The following KCNAB2 variants were observed in gnomAD, a reference collection of about 807,000 sequenced individuals.
KCNAB2 encodes the protein potassium voltage-gated channel subfamily A regulatory beta subunit 2.
Under a neutral mutation model 63.6 loss-of-function variants are expected in KCNAB2, and 29 were observed. That is an observed-to-expected ratio of 0.46 (90% CI 0.34 to 0.62). KCNAB2 has a LOEUF of 0.62. Ranked by LOEUF, KCNAB2 falls within the 20% of genes least tolerant of loss-of-function variation. KCNAB2 has a pLI of 0.01. For missense variants in KCNAB2, 359 were observed against 563.9 expected (o/e 0.64, Z 3.68); for synonymous variants, 222 against 224.2 (o/e 0.99, Z 0.09).
chr1:6,036,815 G>C, intron 1 of KCNAB2, among the ~76,000 whole-genome samples: 1 of 151,552 alleles, frequency 6.6e-6, no homozygotes, highest in Non-Finnish European at 1.5e-5. Context: ...GGTGGGAAGG[G>C]AGGAGCAGCG....
At chr1:6,019,583 G>T (rs1247414724) in intron 1 of KCNAB2, among the ~76,000 whole-genome samples, 2 of 152,182 alleles carry the variant, frequency 1.3e-5, no homozygotes, top group Non-Finnish European at 2.9e-5. Context: ...CTGGAGTTGG[G>T]CACTGGAGCA....
intron 1 of KCNAB2, among the ~76,000 whole-genome samples, chr1:5,992,969 T>G (rs1419326723): frequency 6.6e-6 from 1 of 151,816 alleles, no homozygotes; most frequent in East Asian, 1.9e-4. Flanking sequence ...CCTCCTCACC[T>G]CCTTCTCCAT....
intron 2 of KCNAB2, among the ~76,000 whole-genome samples, chr1:6,065,477 G>C (rs939962745): frequency 3.3e-5 from 5 of 152,222 alleles, no homozygotes; most frequent in Admixed American, 2.6e-4. Flanking sequence ...CCCTCAGAAA[G>C]ACTCAAGAAG....
intron 1 of KCNAB2, among the ~76,000 whole-genome samples, chr1:6,037,712 C>T (rs972987420): frequency 3.9e-5 from 6 of 152,060 alleles, no homozygotes; most frequent in Admixed American, 6.6e-5. Context: ...GAGCAAAATG[C>T]GTGAGCTGCT....
chr1:6,000,054 G>T (rs749775706), intron 1 of KCNAB2, among the ~76,000 whole-genome samples: 1 of 151,770 alleles, frequency 6.6e-6, no homozygotes, highest in Non-Finnish European at 1.5e-5. Context: ...CACCTTGTCT[G>T]TGCCCCGTCC....
intron 1 of KCNAB2, among the ~76,000 whole-genome samples, chr1:6,046,749 C>T (rs1387508305): frequency 1.3e-5 from 2 of 152,202 alleles, no homozygotes; most frequent in African/African-American, 4.8e-5. Flanking sequence ...CTTCCATTTC[C>T]GCTTTGGAGA....
Position 6,091,264 on chromosome 1 carries a change from G to A in KCNAB2, c.603G>A (p.Gly201=), listed in dbSNP as rs1322132137. The change falls in exon 10 of 16, where the codon GGG becomes GGA. Residue 201 remains glycine, a splice_region_variant and synonymous_variant. Transcript: ENST00000378083. ...TTTAAATCTTTCTTCTATCACCAGG[G>A]GACCCATTTAGTTCCTCCAAGTCAA... The part of the protein sequence containing the change: ...NRPDPNTPME[G]DPFSSSKSRT... 2 of 1,532,630 alleles carry A rather than the reference G, an allele frequency of 1.3e-6. No homozygotes were observed. Among genetic ancestry groups the A allele is most frequent in the African/African-American group, 2.7e-5 (2 of 73,068 alleles). The allele number at this position is 1,532,630 out of a possible 1,614,324, so 94.9% of individuals were successfully genotyped here.
rs749919722 is a variant in KCNAB2, at chr1:6,028,801, C to G, written c.-52-11716C>G. Among the ~76,000 whole-genome samples, 3 of 152,200 alleles carry G rather than the reference C, an allele frequency of 2.0e-5. No homozygotes were observed. Among genetic ancestry groups the G allele is most frequent in the Non-Finnish European group, 4.4e-5 (3 of 68,044 alleles). ...CTGTCCCCATCGTATTAGAGTTGGC[C>G]TTTTGAAAGCTGTGAGTCCAAGTTG... is the stretch of plus-strand genomic sequence containing the variant. On this transcript the variant is annotated intron_variant, in intron 1 of 16. Coordinates refer to the KCNAB2 transcript ENST00000341524. This position sits in a 1 kb window ranked among gnomAD's most constrained non-coding sequence, Gnocchi z 4.0.
intron 1 of KCNAB2, among the ~76,000 whole-genome samples, chr1:6,012,635 G>C (rs1658250221): frequency 6.6e-6 from 1 of 150,742 alleles, no homozygotes; most frequent in South Asian, 2.1e-4. Context: ...GGGTGGAGGT[G>C]GAGATGGAGG....
intron 6 of KCNAB2, among the ~76,000 whole-genome samples, chr1:6,085,477 C>G (rs1245874806): frequency 6.6e-6 from 1 of 152,142 alleles, no homozygotes; most frequent in African/African-American, 2.4e-5. Flanking sequence ...CCTAGCCTGC[C>G]CACTCCGCCT....
chr1:6,070,690 G>A (rs1274058725), intron 2 of KCNAB2, among the ~76,000 whole-genome samples: 3 of 152,196 alleles, frequency 2.0e-5, no homozygotes, highest in Non-Finnish European at 4.4e-5. Context: ...CTATCCTCAT[G>A]GATCTTCTTC....
chr1:5,996,728 G>A (rs1390584672), intron 1 of KCNAB2, among the ~76,000 whole-genome samples: 4 of 152,228 alleles, frequency 2.6e-5, no homozygotes, highest in Admixed American at 6.5e-5. Flanking sequence ...CTTCCTGGCC[G>A]TCCGCCTTTA....
chr1:6,056,026 C>T (rs1334570074), intron 2 of KCNAB2, among the ~76,000 whole-genome samples: 5 of 151,096 alleles, frequency 3.3e-5, no homozygotes, highest in African/African-American at 4.9e-5. Context: ...TGGAGGTGGA[C>T]GGCAGCATGC....
upstream of KCNAB2, among the ~76,000 whole-genome samples, chr1:6,032,700 C>T (rs1659721558): frequency 6.6e-6 from 1 of 152,066 alleles, no homozygotes; most frequent in South Asian, 2.1e-4. Context: ...CCACCTTAAC[C>T]AAATGGCCAG....
At chr1:6,005,433 G>GGAAGC (rs1557922597) in intron 1 of KCNAB2, among the ~76,000 whole-genome samples, 1 of 118,456 alleles carries the variant, frequency 8.4e-6, no homozygotes, top group Non-Finnish European at 1.9e-5. Context: ...TGTGGGTTGT[G>GGAAGC]TGAGCTGAGC....
chr1:6,037,496 C>T (rs138249531), intron 1 of KCNAB2, among the ~76,000 whole-genome samples: 3 of 152,328 alleles, frequency 2.0e-5, no homozygotes, highest in Non-Finnish European at 2.9e-5. Context: ...TTCCTGTCCA[C>T]GTCCCTCAGC....
chr1:6,007,766 C>T (rs1419744675), intron 1 of KCNAB2: 2 of 152,340 alleles, frequency 1.3e-5, no homozygotes, highest in East Asian at 3.9e-4. Context: ...CCCTTACCCC[C>T]GAAGGAGGGG....
rs986027788 is a variant in KCNAB2, at chr1:6,078,239, G to T, written c.301-3956G>T. Among the ~76,000 whole-genome samples, 1 of 152,112 alleles carries T rather than the reference G, an allele frequency of 6.6e-6. No homozygotes were observed. Among genetic ancestry groups the T allele is most frequent in the Non-Finnish European group, 1.5e-5 (1 of 68,020 alleles). On this transcript the variant is annotated intron_variant, in intron 4 of 15. Transcript: ENST00000378083. The surrounding 1 kb of genome is among the most constrained non-coding windows in gnomAD (Gnocchi z 4.2). Reference sequence around the variant, plus strand: ...TGTCAGTCAAGTCTCCGTCTGTCTCGTCCTCATAAGGTCACCTGTGATGGC... The same window carrying T: ...TGTCAGTCAAGTCTCCGTCTGTCTCTTCCTCATAAGGTCACCTGTGATGGC...
rs144003123 is a variant in KCNAB2, at chr1:6,077,935, G to A, written c.300+4165G>A. Among the ~76,000 whole-genome samples, 1,354 of 152,344 alleles carry A rather than the reference G, an allele frequency of 8.9e-3. 8 individuals are homozygous for A. Among genetic ancestry groups the A allele is most frequent in the Middle Eastern group, 0.031 (9 of 294 alleles). The stretch of plus-strand genomic sequence containing the variant: ...TGCTGTAACAAATAGCCACCAATGC[G>A]CGGCTGAAAACAGCAGCAACGTATT... On this transcript the variant is annotated intron_variant, in intron 4 of 15. Transcript: ENST00000378083.
Sources: allele counts gnomAD v4.1 joint callset (sites outside exome capture counted in the v4.1 genomes callset), GRCh38; gene constraint gnomAD v4.1.1; non-coding constraint Gnocchi (gnomAD v3.1); transcripts MANE v1.5; gene names NCBI Gene and HGNC (gene_info 2026-07-23, HGNC 2026-07-21).